CPT1A: variants seen among roughly 807,000 people sequenced by gnomAD.
The protein encoded by CPT1A is carnitine O-palmitoyltransferase 1, liver isoform.
Under a neutral mutation model 100.8 loss-of-function variants are expected in CPT1A, and 64 were observed. That is an observed-to-expected ratio of 0.63 (90% CI 0.52 to 0.78). CPT1A has a LOEUF of 0.78. CPT1A is among the 30% of genes least tolerant of loss of function. The pLI is 0.00. For synonymous variants in CPT1A, 363 were observed against 396.0 expected (o/e 0.92, Z 0.99); for missense variants, 802 against 1,034.1 (o/e 0.78, Z 3.08).
chr11:68,791,816 C>T (rs375642609), intron 9 of CPT1A, among the ~76,000 whole-genome samples: 2 of 152,106 alleles, frequency 1.3e-5, no homozygotes, highest in African/African-American at 2.4e-5. Flanking sequence ...GGATTACAGG[C>T]GTGAGCCACC....
chr11:68,798,370 C>G (rs1855812088), intron 6 of CPT1A, among the ~76,000 whole-genome samples: 1 of 152,216 alleles, frequency 6.6e-6, no homozygotes, highest in African/African-American at 2.4e-5. Context: ...CTAGAGAGAC[C>G]CCTCCAGGCA....
chr11:68,833,903 C>T (rs76797093), intron 1 of CPT1A, among the ~76,000 whole-genome samples: 9,514 of 151,978 alleles, frequency 0.063, 429 homozygotes, highest in South Asian at 0.14. Context: ...TGTTGCCGAG[C>T]GTGACCTTGA....
intron 1 of CPT1A, among the ~76,000 whole-genome samples, chr11:68,833,126 C>T (rs908005138): frequency 6.6e-6 from 1 of 152,178 alleles, no homozygotes; most frequent in Non-Finnish European, 1.5e-5. Context: ...TGCATGATGT[C>T]CAAGGTGGCA....
rs1855045353 is a variant in CPT1A at position 68,773,301 on chromosome 11, G to A, written c.1704C>T (p.Ala568=). ...CCAGCTGGAGGGCCAGCTGCACAAA[G>A]GCGTCTGGGCTCGTGCGACATTTCT... is the stretch of plus-strand genomic sequence containing the variant. The part of the protein sequence containing the change: ...IIKKCRTSPD[A]FVQLALQLAH... Residue 568 remains alanine, a synonymous_variant, in exon 14 of 19, where the codon GCC becomes GCT. Coordinates refer to ENST00000265641, the MANE Select transcript of CPT1A (RefSeq NM_001876.4). 2 of 1,614,166 alleles carry A rather than the reference G, an allele frequency of 1.2e-6. No homozygotes were observed. The highest frequency in any genetic ancestry group is 2.7e-5 in the African/African-American group (2 of 75,046).
In CPT1A at chr11:68,784,846, C is replaced by T; in HGVS notation, c.1132G>A (p.Ala378Thr). The T allele has an allele frequency of 2.5e-6, 4 of 1,612,446 alleles. No individual in the cohort carries two copies. Among genetic ancestry groups the T allele is most frequent in the Non-Finnish European group, 3.4e-6 (4 of 1,180,022 alleles). ...CCTGCGGTGAGGGCTGCCAGCCTGG[C>T]CTCCCCGGGCTGAGGCTCCGAGGTA... Reference protein sequence around the residue: ...DNTSEPQPGEARLAALTAGDR... With the variant: ...DNTSEPQPGETRLAALTAGDR... The change falls in exon 10 of 19, where the codon GCC (alanine) becomes ACC (threonine). Residue 378 changes from alanine to threonine, a missense_variant. Physicochemically the swap from Ala to Thr is moderately conservative, Grantham distance 58. This residue lies in a region of CPT1A where 627 missense variants were observed against 799.3 expected (regional missense o/e 0.78). Coordinates refer to ENST00000265641, the MANE Select transcript of CPT1A (RefSeq NM_001876.4).
intron 9 of CPT1A, among the ~76,000 whole-genome samples, chr11:68,789,323 G>A (rs1347377569): frequency 6.6e-6 from 1 of 152,168 alleles, no homozygotes; most frequent in Non-Finnish European, 1.5e-5. Context: ...CGGTGGGGAT[G>A]TCTGAGAAAG....
intron 1 of CPT1A, among the ~76,000 whole-genome samples, chr11:68,821,740 T>C (rs566150296): frequency 3.3e-5 from 5 of 152,226 alleles, no homozygotes; most frequent in Non-Finnish European, 7.3e-5. Context: ...TTTTCAATCC[T>C]TGGTTGGTTA....
At chr11:68,842,610 G>C (rs115167984), upstream of CPT1A, among the ~76,000 whole-genome samples, 3 of 152,196 alleles carry the variant, frequency 2.0e-5, no homozygotes, top group Non-Finnish European at 4.4e-5. Flanking sequence ...GGGGGCTTTG[G>C]TGAGATTTAC....
At chr11:68,808,881 G>A (rs1193623735) in intron 3 of CPT1A, among the ~76,000 whole-genome samples, 2 of 150,946 alleles carry the variant, frequency 1.3e-5, no homozygotes, top group Admixed American at 1.3e-4. Context: ...TGAGATGGGT[G>A]GATCACTTGG....
In CPT1A at chr11:68,806,681, C is replaced by A. The variant is rs570565976; in HGVS notation, c.453+786G>T. ...GGTACAGTGGTTCACACCTGTAATC[C>A]CAGCACTTTGAGAGGCCAAGGCAGG... On this transcript the variant is annotated intron_variant, in intron 4 of 18. Transcript: ENST00000265641. Among the ~76,000 whole-genome samples, 42 of 150,816 alleles carry A rather than the reference C, an allele frequency of 2.8e-4. No homozygotes were observed. The East Asian group carries it at 7.2e-3, about 26-fold the overall frequency.
chr11:68,826,313 G>A (rs905200239), intron 1 of CPT1A, among the ~76,000 whole-genome samples: 2 of 152,152 alleles, frequency 1.3e-5, no homozygotes. Context: ...GGATCTGGTG[G>A]TGCACGCCTG....
intron 13 of CPT1A, 69 bp downstream of exon 13, chr11:68,775,247 T>C: frequency 1.5e-6 from 2 of 1,301,998 alleles, no homozygotes; most frequent in Non-Finnish European, 2.2e-6. Context: ...GTTGGAAAAT[T>C]CATCTGTAAG....
chr11:68,772,991 G>C (rs551185024), intron 14 of CPT1A, among the ~76,000 whole-genome samples: 36 of 152,324 alleles, frequency 2.4e-4, no homozygotes, highest in South Asian at 6.2e-4. Flanking sequence ...TCCCTCTGTA[G>C]AGTGATGAGA....
rs1442707978 is a variant in CPT1A at position 68,780,635 on chromosome 11, C to T, written c.1458+5G>A. 1 of 1,613,458 alleles carries T rather than the reference C, an allele frequency of 6.2e-7. No homozygotes were observed. The highest frequency in any genetic ancestry group is 1.7e-5 in the Admixed American group (1 of 60,006). ...CACATTCAAGTGAAAAGTGTGAAAA[C>T]TCACCTCCCAAAGGTGGGCCACGAT... is the stretch of plus-strand genomic sequence containing the variant. On this transcript the variant is annotated splice_donor_5th_base_variant and intron_variant, in intron 12 of 18. Transcript: ENST00000265641.
At position 68,755,739 on chromosome 11, in the gene CPT1A, C is replaced by CATT. The variant is rs1946681196; in HGVS notation, c.*1902_*1904dup. 1 of 86,870 alleles carries CATT rather than the reference C, an allele frequency of 1.2e-5. No homozygotes were observed. Among genetic ancestry groups the CATT allele is most frequent in the African/African-American group, 4.0e-5 (1 of 24,786 alleles). 5.4% of individuals were successfully genotyped at this position (86,870 alleles called of 1,614,324 possible). A position where few individuals can be genotyped will look rare whatever the true frequency, so the allele number is the denominator to read the frequency against. On this transcript the variant is annotated 3_prime_UTR_variant, in exon 19 of 19. Coordinates refer to ENST00000265641, the MANE Select transcript of CPT1A (RefSeq NM_001876.4). ...TTTTTTTTTTTTTGTCTTTTGTTTT[C>CATT]ATTTTTTCTTGCTTTCAGGAGAAAA...
At chr11:68,806,106 C>G (rs1856039251) in intron 4 of CPT1A, among the ~76,000 whole-genome samples, 1 of 151,770 alleles carries the variant, frequency 6.6e-6, no homozygotes, top group Non-Finnish European at 1.5e-5. Flanking sequence ...GCCTTGACCT[C>G]CTGGGCTCAA....
chr11:68,802,945 T>A (rs1855945817), intron 5 of CPT1A, among the ~76,000 whole-genome samples: 1 of 150,414 alleles, frequency 6.6e-6, no homozygotes, highest in African/African-American at 2.4e-5. Flanking sequence ...AATGAGTAGC[T>A]TTGAGGATGA....
At chr11:68,842,130 G>C (rs1427207087), upstream of CPT1A, among the ~76,000 whole-genome samples, 1 of 152,136 alleles carries the variant, frequency 6.6e-6, no homozygotes, top group South Asian at 2.1e-4. Flanking sequence ...TCCGTAAAAC[G>C]AGCCATCTCG....
Position 68,780,869 on chromosome 11 carries a change from C to A in CPT1A, c.1353-124G>T, listed in dbSNP as rs193072886. The A allele has an allele frequency of 3.1e-5, 23 of 733,966 alleles. No individual in the cohort carries two copies. In the African/African-American group the frequency reaches 3.3e-4, roughly 10 times the overall value. The allele number at this position is 733,966 out of a possible 1,614,324, so 45.5% of individuals were successfully genotyped here. A position where few individuals can be genotyped will look rare whatever the true frequency, so the allele number is the denominator to read the frequency against. Reference sequence around the variant, plus strand: ...TTGCACCTGTCCCTCTAACAGTGAGCAGACACTCAGTCTCTGTGGAGTGAG... The same window carrying A: ...TTGCACCTGTCCCTCTAACAGTGAGAAGACACTCAGTCTCTGTGGAGTGAG... On this transcript the variant is annotated intron_variant, in intron 11 of 18. Transcript: ENST00000265641.
Sources: gnomAD v4.1 joint callset for allele counts (sites outside exome capture counted in the v4.1 genomes callset) on GRCh38, gnomAD v4.1.1 for gene constraint, gnomAD v4.1.1 regional missense constraint, MANE v1.5 for transcripts, NCBI Gene and HGNC (gene_info 2026-07-23, HGNC 2026-07-21) for gene names.